NCDN: variants seen among roughly 807,000 people sequenced by gnomAD.
NCDN encodes neurochondrin.
NCDN carries 9 observed loss-of-function variants against 60.7 expected under a neutral mutation model. The ratio of observed to expected loss-of-function variants is 0.15; its 90% CI spans 0.09 to 0.26. NCDN has a LOEUF of 0.26. Ranked by LOEUF, NCDN falls within the 10% of genes least tolerant of loss-of-function variation. The pLI, the probability that NCDN is intolerant of heterozygous loss-of-function variation, is 1.00. For synonymous variants in NCDN, 409 were observed against 442.5 expected (o/e 0.92, Z 0.95); for missense variants, 578 against 975.2 (o/e 0.59, Z 5.42).
At position 35,565,356 on chromosome 1, in the gene NCDN, G is replaced by A; in HGVS notation, c.1883G>A (p.Gly628Asp). The change falls in exon 7 of 7, where the codon GGC (glycine) becomes GAC (aspartate). Residue 628 changes from glycine to aspartate, a missense_variant. Coordinates refer to ENST00000373243, the MANE Select transcript of NCDN (RefSeq NM_014284.3). This position sits in a 1 kb window ranked among gnomAD's most constrained non-coding sequence, Gnocchi z 8.9. ...CTAGCCCTGTCCCCTGAGTATGAGG[G>A]CATCTGGGCCGACCTGCAGGAGCTC... ...AVLALSPEYE[G>D]IWADLQELWF... 1 of 1,613,756 alleles carries A rather than the reference G, an allele frequency of 6.2e-7. No individual in the cohort carries two copies. The highest frequency in any genetic ancestry group is 8.5e-7 in the Non-Finnish European group (1 of 1,179,746).
At position 35,558,058 on chromosome 1, in the gene NCDN, C is replaced by CTTT; in HGVS notation, c.-123_-121dup. ...TGTCACAGCCCTTTTCAATATATATCTTTTTTTTTTTTAATTTGCCCTGTC... is the reference window on the plus strand; with the variant it reads ...TGTCACAGCCCTTTTCAATATATATCTTTTTTTTTTTTTTTAATTTGCCCTGTC... On this transcript the variant is annotated 5_prime_UTR_variant, in exon 1 of 7. Coordinates refer to ENST00000373243, the MANE Select transcript of NCDN (RefSeq NM_014284.3). This position sits in a 1 kb window ranked among gnomAD's most constrained non-coding sequence, Gnocchi z 6.3. The CTTT allele has an allele frequency of 7.6e-6, 8 of 1,045,832 alleles. No homozygotes were observed. Among genetic ancestry groups the CTTT allele is most frequent in the Non-Finnish European group, 9.5e-6 (7 of 735,058 alleles). The allele number at this position is 1,045,832 out of a possible 1,614,324, so 64.8% of individuals were successfully genotyped here.
At position 35,561,047 on chromosome 1, in the gene NCDN, C is replaced by T. The variant is rs780475408; in HGVS notation, c.896C>T (p.Ala299Val). The T allele has an allele frequency of 1.1e-5, 18 of 1,612,546 alleles. No individual in the cohort carries two copies. Among genetic ancestry groups the T allele is most frequent in the Middle Eastern group, 1.6e-4 (1 of 6,080 alleles). ...GCCTGCGGCTCCGACTGGATCCCGG[C>T]GGGCAGCTCCGGGAGCAAGTTCCTG... ...AHACGSDWIP[A>V]GSSGSKFLAL... The change falls in exon 3 of 7, where the codon GCG becomes GTG. Residue 299 changes from alanine to valine, a missense_variant. Ala to Val is a moderately conservative substitution (Grantham distance 64, BLOSUM62 0). This residue lies in a region of NCDN where 363 missense variants were observed against 583.6 expected (regional missense o/e 0.62). Transcript: ENST00000373243. The surrounding 1 kb of genome is among the most constrained non-coding windows in gnomAD (Gnocchi z 4.9).
Position 35,565,312 on chromosome 1 carries a change from G to A in NCDN, c.1839G>A (p.Pro613=), listed in dbSNP as rs754867509. The change falls in exon 7 of 7, where the codon CCG becomes CCA. Residue 613 remains proline (P), a synonymous_variant. Transcript: ENST00000373243. The surrounding 1 kb of genome is among the most constrained non-coding windows in gnomAD (Gnocchi z 8.9). ...LSQSHVARAT[P]GSDQAVLALS... Reference sequence around the variant, plus strand: ...AGTCCCACGTGGCGCGGGCCACCCCGGGCTCAGACCAGGCAGTGCTAGCCC... The same window carrying A: ...AGTCCCACGTGGCGCGGGCCACCCCAGGCTCAGACCAGGCAGTGCTAGCCC... The A allele has an allele frequency of 3.2e-5, 52 of 1,613,988 alleles. No homozygotes were observed. The highest frequency in any genetic ancestry group is 5.0e-5 in the Admixed American group (3 of 60,002).
In NCDN at chr1:35,558,471, G is replaced by A; in HGVS notation, c.33+248G>A. The A allele has an allele frequency of 4.9e-6, 7 of 1,417,224 alleles. No individual in the cohort carries two copies. Among genetic ancestry groups the A allele is most frequent in the Non-Finnish European group, 6.4e-6 (7 of 1,089,186 alleles). 87.8% of individuals were successfully genotyped at this position (1,417,224 alleles called of 1,614,324 possible). The stretch of plus-strand genomic sequence containing the variant: ...CTGCTGCAGCCTCTACCCGAGGGAG[G>A]GAAAGGAGAGGAGGCAAGGAGCCTG... On this transcript the variant is annotated intron_variant, in intron 1 of 6. Coordinates refer to ENST00000373243, the MANE Select transcript of NCDN (RefSeq NM_014284.3). The surrounding 1 kb of genome is among the most constrained non-coding windows in gnomAD (Gnocchi z 6.3).
chr1:35,561,813 T>C lies in NCDN; in HGVS notation c.1143+519T>C, dbSNP rs1364810686. The stretch of plus-strand genomic sequence containing the variant: ...TCCCCGCCTGAGAGGCCAGCTGTCC[T>C]GTCCCACAGGGATTCAGTCATGACT... On this transcript the variant is annotated intron_variant, in intron 3 of 6. Coordinates refer to ENST00000373243, the MANE Select transcript of NCDN (RefSeq NM_014284.3). This position sits in a 1 kb window ranked among gnomAD's most constrained non-coding sequence, Gnocchi z 4.9. Among the ~76,000 whole-genome samples, 1 of 152,176 alleles carries C rather than the reference T, an allele frequency of 6.6e-6. No individual in the cohort carries two copies. Among genetic ancestry groups the C allele is most frequent in the Non-Finnish European group, 1.5e-5 (1 of 68,020 alleles).
At position 35,561,613 on chromosome 1, in the gene NCDN, C is replaced by A. The variant is rs1269464682; in HGVS notation, c.1143+319C>A. The stretch of plus-strand genomic sequence containing the variant: ...CTACACGCCACACACCTCTCCCCAA[C>A]ACATGCACACAAGATTGAAGCAGTC... On this transcript the variant is annotated intron_variant, in intron 3 of 6. Transcript: ENST00000373243. This position sits in a 1 kb window ranked among gnomAD's most constrained non-coding sequence, Gnocchi z 4.9. Among the ~76,000 whole-genome samples, 1 of 152,184 alleles carries A rather than the reference C, an allele frequency of 6.6e-6. No homozygotes were observed. The highest frequency in any genetic ancestry group is 1.9e-4 in the East Asian group (1 of 5,196).
Position 35,563,385 on chromosome 1 carries a change from C to T in NCDN, c.1569C>T (p.His523=). The T allele has an allele frequency of 6.2e-7, 1 of 1,614,208 alleles. No homozygotes were observed. Among genetic ancestry groups the T allele is most frequent in the African/African-American group, 1.3e-5 (1 of 75,064 alleles). ...AGATTGGCCTGCAGACCTGCTGCCA[C>T]ATCTTCCTCAACCTCGTGGTCACCG... ...SVEIGLQTCC[H]IFLNLVVTAP... The change falls in exon 5 of 7, where the codon CAC becomes CAT. Residue 523 remains histidine, a synonymous_variant. Coordinates refer to ENST00000373243, the MANE Select transcript of NCDN (RefSeq NM_014284.3). This position sits in a 1 kb window ranked among gnomAD's most constrained non-coding sequence, Gnocchi z 6.6.
Position 35,562,343 on chromosome 1 carries a change from G to A in NCDN, c.1144-49G>A. On this transcript the variant is annotated intron_variant, in intron 3 of 6. Transcript: ENST00000373243. The surrounding 1 kb of genome is among the most constrained non-coding windows in gnomAD (Gnocchi z 6.8). ...TAGCTGGCTGGCCTCTGGCAAGGCA[G>A]GGAGGGTCCCTGGTCCTGCTCCATC... 1.9e-6 allele frequency: 3 copies of A among 1,593,080 alleles called. No homozygotes were observed. The highest frequency in any genetic ancestry group is 2.6e-6 in the Non-Finnish European group (3 of 1,167,490).
Position 35,563,457 on chromosome 1 carries a change from G to C in NCDN, c.1610+31G>C, listed in dbSNP as rs1258386965. The C allele has an allele frequency of 6.2e-7, 1 of 1,600,842 alleles. No individual in the cohort carries two copies. Among genetic ancestry groups the C allele is most frequent in the African/African-American group, 1.3e-5 (1 of 74,688 alleles). ...GGGCTCGGGAGAGGTGGGGGAGGAG[G>C]CCGGAGGAGGCAAAGGAGGCTGCCC... is the stretch of plus-strand genomic sequence containing the variant. On this transcript the variant is annotated intron_variant, in intron 5 of 6. Transcript: ENST00000373243. This position sits in a 1 kb window ranked among gnomAD's most constrained non-coding sequence, Gnocchi z 6.6.
Position 35,560,434 on chromosome 1 carries a change from C to G in NCDN, c.283C>G (p.Pro95Ala). Residue 95 changes from proline to alanine, a missense_variant, in exon 3 of 7, where the codon CCG (proline) becomes GCG (alanine). This residue lies in a region of NCDN where 363 missense variants were observed against 583.6 expected (regional missense o/e 0.62). Transcript: ENST00000373243. The surrounding 1 kb of genome is among the most constrained non-coding windows in gnomAD (Gnocchi z 7.6). ...PNRLLTTKEA[P>A]DGCPDHVLRA... The stretch of plus-strand genomic sequence containing the variant: ...TCGTCTCCTGACCACCAAGGAGGCG[C>G]CGGATGGCTGCCCTGACCATGTTCT... 2 of 1,614,028 alleles carry G rather than the reference C, an allele frequency of 1.2e-6. No homozygotes were observed. Among genetic ancestry groups the G allele is most frequent in the Non-Finnish European group, 1.7e-6 (2 of 1,180,034 alleles).
chr1:35,559,138 G>T lies in NCDN; in HGVS notation c.65G>T (p.Cys22Phe), dbSNP rs1234383748. ...AAGGCGAGCATCATGGCCTCGGATT[G>T]CGAGCCAGCTCTGAACCAGGCAGAG... ...LGKASIMASD[C>F]EPALNQAEGR... Residue 22 changes from cysteine (C) to phenylalanine (F), a missense_variant, in exon 2 of 7, where the codon TGC becomes TTC. Around this residue, in one of 3 missense-constraint regions of NCDN, gnomAD observed 363 missense variants for 583.6 expected, o/e 0.62. Coordinates refer to ENST00000373243, the MANE Select transcript of NCDN (RefSeq NM_014284.3). 1 of 1,612,590 alleles carries T rather than the reference G, an allele frequency of 6.2e-7. No individual in the cohort carries two copies. The highest frequency in any genetic ancestry group is 1.3e-5 in the African/African-American group (1 of 74,730).
At position 35,565,604 on chromosome 1, in the gene NCDN, G is replaced by A. The variant is rs931294403; in HGVS notation, c.2131G>A (p.Glu711Lys). The change falls in exon 7 of 7, where the codon GAG (glutamate) becomes AAG (lysine). Residue 711 changes from glutamate to lysine, a missense_variant. By Grantham distance (56) the Glu-to-Lys change is moderately conservative. Transcript: ENST00000373243. The surrounding 1 kb of genome is among the most constrained non-coding windows in gnomAD (Gnocchi z 8.9). The stretch of plus-strand genomic sequence containing the variant: ...GGAGGCCATGAGGCTGCAGGCGGGC[G>A]AGGAGACGGCCAGCCACTACCGCAT... Reference protein sequence around the residue: ...CREAMRLQAGEETASHYRMAA... With the variant: ...CREAMRLQAGKETASHYRMAA... 3.9e-6 allele frequency: 6 copies of A among 1,558,136 alleles called. No homozygotes were observed. Among genetic ancestry groups the A allele is most frequent in the South Asian group, 1.2e-5 (1 of 85,972 alleles).
rs982826928 is a variant in NCDN at position 35,565,851 on chromosome 1, C to T, written c.*188C>T. The T allele has an allele frequency of 1.6e-6, 1 of 640,976 alleles. No homozygotes were observed. Among genetic ancestry groups the T allele is most frequent in the Non-Finnish European group, 2.6e-6 (1 of 383,204 alleles). The allele number at this position is 640,976 out of a possible 1,614,324, so 39.7% of individuals were successfully genotyped here. A position where few individuals can be genotyped will look rare whatever the true frequency, so the allele number is the denominator to read the frequency against. ...CAAGTGTAAGGAACTGCGTTCCGCC[C>T]CTCAGGCCCCCATGGGGGCAGGGAT... On this transcript the variant is annotated 3_prime_UTR_variant, in exon 7 of 7. Coordinates refer to ENST00000373243, the MANE Select transcript of NCDN (RefSeq NM_014284.3). The surrounding 1 kb of genome is among the most constrained non-coding windows in gnomAD (Gnocchi z 8.9).
In NCDN at chr1:35,564,230, C is replaced by T. The variant is rs1008071737; in HGVS notation, c.1753+321C>T. On this transcript the variant is annotated intron_variant, in intron 6 of 6. Coordinates refer to ENST00000373243, the MANE Select transcript of NCDN (RefSeq NM_014284.3). ...TGTTTTCAAGGTGGAGCCGCCCCCA[C>T]CCAGGCCTTGAGTCAGAAACCTGAC... 3.9e-5 allele frequency among the ~76,000 whole-genome samples: 6 copies of T among 152,154 alleles called. 1 individual carries two copies. In the East Asian group the frequency reaches 9.6e-4, roughly 24 times the overall value.
At position 35,560,194 on chromosome 1, in the gene NCDN, G is replaced by A; in HGVS notation, c.175-132G>A. ...TGCCTCTAAGGAGAAAAAAGGAGCT[G>A]GATGAAATGACCTCAGATGAGTCCT... is the stretch of plus-strand genomic sequence containing the variant. On this transcript the variant is annotated intron_variant, in intron 2 of 6. Transcript: ENST00000373243. The surrounding 1 kb of genome is among the most constrained non-coding windows in gnomAD (Gnocchi z 7.6). 1 of 1,228,380 alleles carries A rather than the reference G, an allele frequency of 8.1e-7. No homozygotes were observed. Among genetic ancestry groups the A allele is most frequent in the Non-Finnish European group, 1.1e-6 (1 of 883,880 alleles). The allele number at this position is 1,228,380 out of a possible 1,614,324, so 76.1% of individuals were successfully genotyped here.
chr1:35,559,487 C>T (rs193258878), intron 2 of NCDN, among the ~76,000 whole-genome samples: 11 of 152,122 alleles, frequency 7.2e-5, no homozygotes, highest in Non-Finnish European at 1.0e-4. Context: ...TTTTCTGGGG[C>T]GTCCCAGAGC....
In NCDN at chr1:35,558,591, C is replaced by T; in HGVS notation, c.33+368C>T. 2 of 1,209,762 alleles carry T rather than the reference C, an allele frequency of 1.7e-6. No individual in the cohort carries two copies. Among genetic ancestry groups the T allele is most frequent in the East Asian group, 8.4e-5 (2 of 23,842 alleles). The allele number at this position is 1,209,762 out of a possible 1,614,324, so 74.9% of individuals were successfully genotyped here. On this transcript the variant is annotated intron_variant, in intron 1 of 6. Coordinates refer to ENST00000373243, the MANE Select transcript of NCDN (RefSeq NM_014284.3). This position sits in a 1 kb window ranked among gnomAD's most constrained non-coding sequence, Gnocchi z 6.3. Reference sequence around the variant, plus strand: ...GCGTCTTGTATTCTCACTTCTGAAGCGTATCTCTGCCTCTGAAGAAGGGAG... The same window carrying T: ...GCGTCTTGTATTCTCACTTCTGAAGTGTATCTCTGCCTCTGAAGAAGGGAG...
In NCDN at chr1:35,560,424, C is replaced by G. The variant is rs767352649; in HGVS notation, c.273C>G (p.Thr91=). ...CCTTCCCCAATCGTCTCCTGACCAC[C>G]AAGGAGGCGCCGGATGGCTGCCCTG... The part of the protein sequence containing the change: ...GFTFPNRLLT[T]KEAPDGCPDH... Residue 91 remains threonine, a synonymous_variant, in exon 3 of 7, where the codon ACC becomes ACG. Coordinates refer to ENST00000373243, the MANE Select transcript of NCDN (RefSeq NM_014284.3). This position sits in a 1 kb window ranked among gnomAD's most constrained non-coding sequence, Gnocchi z 7.6. The G allele has an allele frequency of 3.1e-6, 5 of 1,614,010 alleles. No individual in the cohort carries two copies. The highest frequency in any genetic ancestry group is 4.2e-6 in the Non-Finnish European group (5 of 1,180,026).
rs1140731 is a variant in NCDN, at chr1:35,563,415, G to T, written c.1599G>T (p.Pro533=). The part of the protein sequence containing the change: ...HIFLNLVVTA[P]GLIKRDACFT... Reference sequence around the variant, plus strand: ...TCCTCAACCTCGTGGTCACCGCACCGGGGCTGATCAAGTGAGGGGCTCGGG... The same window carrying T: ...TCCTCAACCTCGTGGTCACCGCACCTGGGCTGATCAAGTGAGGGGCTCGGG... Residue 533 remains proline, a synonymous_variant, in exon 5 of 7, where the codon CCG becomes CCT. Transcript: ENST00000373243. The surrounding 1 kb of genome is among the most constrained non-coding windows in gnomAD (Gnocchi z 6.6). 1.9e-6 allele frequency: 3 copies of T among 1,613,572 alleles called. No individual in the cohort carries two copies. The highest frequency in any genetic ancestry group is 1.7e-5 in the Admixed American group (1 of 60,016).
Sources: gnomAD v4.1 joint callset for allele counts (sites outside exome capture counted in the v4.1 genomes callset) on GRCh38, gnomAD v4.1.1 for gene constraint, gnomAD v4.1.1 regional missense constraint, Gnocchi (gnomAD v3.1) non-coding constraint, MANE v1.5 for transcripts, NCBI Gene and HGNC (gene_info 2026-07-23, HGNC 2026-07-21) for gene names.